ZNF804B: variants seen among roughly 807,000 people sequenced by gnomAD.
ZNF804B encodes the protein zinc finger protein 804B.
Under a neutral mutation model 101.4 loss-of-function variants are expected in ZNF804B, and 80 were observed. That is an observed-to-expected ratio of 0.79 (90% CI 0.66 to 0.95). ZNF804B has a LOEUF of 0.95. Among genes scored for constraint, ZNF804B ranks in the 40% least tolerant of loss-of-function variants. The pLI, the probability that ZNF804B is intolerant of heterozygous loss-of-function variation, is 0.00. For synonymous variants in ZNF804B, 622 were observed against 558.8 expected, an observed-to-expected ratio of 1.11 and a Z score of -1.59; for missense variants, 1,673 against 1,561.9, an observed-to-expected ratio of 1.07 and a Z score of -1.20.
At chr7:89,316,691 C>T (rs1162078702) in intron 2 of ZNF804B, among the ~76,000 whole-genome samples, 2 of 152,088 alleles carry the variant, frequency 1.3e-5, no homozygotes, top group Non-Finnish European at 2.9e-5. Context: ...GTAATGTAAA[C>T]TAATGAAATG....
At chr7:88,820,003 A>G (rs1583957203) in intron 1 of ZNF804B, among the ~76,000 whole-genome samples, 2 of 152,304 alleles carry the variant, frequency 1.3e-5, no homozygotes, top group South Asian at 4.1e-4. Flanking sequence ...GTTGAACTTA[A>G]TGTCATTTAA....
intron 1 of ZNF804B, among the ~76,000 whole-genome samples, chr7:88,915,895 G>A (rs1792626520): frequency 6.6e-6 from 1 of 151,808 alleles, no homozygotes; most frequent in Admixed American, 6.6e-5. Context: ...TAAACATGTT[G>A]TGAAAGAATT....
intron 1 of ZNF804B, among the ~76,000 whole-genome samples, chr7:88,817,218 G>C (rs1256186951): frequency 2.0e-5 from 3 of 152,010 alleles, no homozygotes; most frequent in African/African-American, 7.3e-5. Flanking sequence ...ACATCACACA[G>C]TGGGGCCTGT....
chr7:88,976,892 G>T (rs538742728), intron 1 of ZNF804B, among the ~76,000 whole-genome samples: 7 of 151,562 alleles, frequency 4.6e-5, no homozygotes, highest in Non-Finnish European at 1.0e-4. Context: ...GGCTTTCTTT[G>T]TGTGTGGTAT....
intron 1 of ZNF804B, among the ~76,000 whole-genome samples, chr7:89,092,053 A>T (rs978910854): frequency 5.9e-5 from 9 of 152,300 alleles, no homozygotes; most frequent in Admixed American, 5.9e-4. Flanking sequence ...TATAAACAAC[A>T]AACATTTATT....
At chr7:89,244,344 A>G (rs1285588813) in intron 2 of ZNF804B, among the ~76,000 whole-genome samples, 1 of 152,082 alleles carries the variant, frequency 6.6e-6, no homozygotes, top group Non-Finnish European at 1.5e-5. Context: ...CATGTGAAGC[A>G]CTTTGCCTCA....
At chr7:88,889,110 G>T (rs1792178001) in intron 1 of ZNF804B, among the ~76,000 whole-genome samples, 2 of 152,042 alleles carry the variant, frequency 1.3e-5, no homozygotes, top group Non-Finnish European at 2.9e-5. Context: ...TGCTGCAAAG[G>T]ATATGGTTTC....
intron 1 of ZNF804B, among the ~76,000 whole-genome samples, chr7:89,016,107 A>C (rs1788551229): frequency 2.0e-5 from 3 of 151,872 alleles, no homozygotes; most frequent in Admixed American, 2.0e-4. Flanking sequence ...GCATTTTTTC[A>C]TGTGTTTTTT....
chr7:88,948,590 A>G (rs752441284), intron 1 of ZNF804B, among the ~76,000 whole-genome samples: 2 of 151,894 alleles, frequency 1.3e-5, no homozygotes, highest in Non-Finnish European at 2.9e-5. Flanking sequence ...TACCTGGCCC[A>G]TGCCACCAGC....
intron 1 of ZNF804B, among the ~76,000 whole-genome samples, chr7:88,985,581 A>G (rs1329097395): frequency 1.3e-5 from 2 of 152,056 alleles, no homozygotes; most frequent in Non-Finnish European, 2.9e-5. Context: ...CAGCTCACCT[A>G]TTTGAGCTAG....
chr7:89,202,073 A>G (rs952339179), intron 1 of ZNF804B, among the ~76,000 whole-genome samples: 8 of 151,960 alleles, frequency 5.3e-5, no homozygotes, highest in African/African-American at 1.9e-4. Context: ...GAAAATAGGG[A>G]TTGTGTATTA....
At chr7:89,277,913 A>C (rs1790014739) in intron 2 of ZNF804B, among the ~76,000 whole-genome samples, 1 of 152,138 alleles carries the variant, frequency 6.6e-6, no homozygotes, top group South Asian at 2.1e-4. Flanking sequence ...TAGGTCCATG[A>C]AGAGTCGCCA....
At chr7:89,071,285 A>C (rs1417743707) in intron 1 of ZNF804B, among the ~76,000 whole-genome samples, 1 of 152,136 alleles carries the variant, frequency 6.6e-6, no homozygotes, top group Admixed American at 6.5e-5. Flanking sequence ...AGACCGACTC[A>C]ATCAGGAAAT....
chr7:89,150,407 G>C (rs143326874), intron 1 of ZNF804B, among the ~76,000 whole-genome samples: 1 of 152,186 alleles, frequency 6.6e-6, no homozygotes, highest in East Asian at 1.9e-4. Flanking sequence ...TTCTCTTTCA[G>C]ATTCTAGTGA....
intron 2 of ZNF804B, among the ~76,000 whole-genome samples, chr7:89,258,666 A>G (rs1279569491): frequency 6.6e-6 from 1 of 152,168 alleles, no homozygotes; most frequent in Non-Finnish European, 1.5e-5. Flanking sequence ...TTAGCCATTA[A>G]AAGTCTACTG....
chr7:89,061,730 A>G (rs1198523186), intron 1 of ZNF804B, among the ~76,000 whole-genome samples: 1 of 152,128 alleles, frequency 6.6e-6, no homozygotes, highest in African/African-American at 2.4e-5. Flanking sequence ...AAATGCTCAC[A>G]TCAGTGTCTG....
At chr7:89,240,270 A>C (rs13224661) in intron 2 of ZNF804B, among the ~76,000 whole-genome samples, 25,745 of 151,962 alleles carry the variant, frequency 0.17, 2,808 homozygotes, top group African/African-American at 0.3. Context: ...AGCTTGAATA[A>C]GTACTTTAGC....
At chr7:88,794,876 G>A (rs1337049388) in intron 1 of ZNF804B, 12 of 1,611,904 alleles carry the variant, frequency 7.4e-6, no homozygotes, top group Non-Finnish European at 9.3e-6. Flanking sequence ...GGGACTTGGA[G>A]AAAAAGAAGA....
At chr7:89,212,820 T>C (rs1243638256) in intron 1 of ZNF804B, among the ~76,000 whole-genome samples, 1 of 152,108 alleles carries the variant, frequency 6.6e-6, no homozygotes. Flanking sequence ...TATAATTTCT[T>C]AAAATAACTA....
Sources: allele counts gnomAD v4.1 joint callset (sites outside exome capture counted in the v4.1 genomes callset), GRCh38; gene constraint gnomAD v4.1.1; transcripts MANE v1.5; gene names NCBI Gene and HGNC (gene_info 2026-07-23, HGNC 2026-07-21).